Variants in THSD7B observed in about 807,000 individuals in gnomAD.
The protein encoded by THSD7B is thrombospondin type 1 domain containing 7B.
THSD7B carries 138 observed loss-of-function variants against 213.6 expected under a neutral mutation model. That is an observed-to-expected ratio of 0.65 (90% CI 0.56 to 0.74). THSD7B has a LOEUF of 0.74. THSD7B is among the 30% of genes least tolerant of loss of function. The probability of loss-of-function intolerance (pLI) is 0.00; values close to 1 mark genes in which losing one functional copy is unlikely to be tolerated. For missense variants in THSD7B, 1,931 were observed against 1,991.5 expected (o/e 0.97, Z 0.58); for synonymous variants, 742 against 687.0 (o/e 1.08, Z -1.25).
chr2:137,569,817 T>C (rs1681317415), intron 16 of THSD7B, among the ~76,000 whole-genome samples: 1 of 151,698 alleles, frequency 6.6e-6, no homozygotes, highest in Admixed American at 6.6e-5. Flanking sequence ...TTATTAATTA[T>C]TATTATTGTT....
chr2:136,993,413 T>C (rs565741202), intron 2 of THSD7B, among the ~76,000 whole-genome samples: 9 of 151,976 alleles, frequency 5.9e-5, no homozygotes, highest in Non-Finnish European at 1.0e-4. Context: ...GAAGGTAAAG[T>C]GAATGAGGAA....
At chr2:136,800,414 A>G (rs1682155237) in intron 1 of THSD7B, among the ~76,000 whole-genome samples, 1 of 152,028 alleles carries the variant, frequency 6.6e-6, no homozygotes, top group Non-Finnish European at 1.5e-5. Context: ...TCTGTGGCTT[A>G]CAGTAAGTAT....
chr2:136,913,040 G>A (rs1684293120), intron 2 of THSD7B, among the ~76,000 whole-genome samples: 1 of 152,182 alleles, frequency 6.6e-6, no homozygotes, highest in Non-Finnish European at 1.5e-5. Context: ...GAGCTTCCTA[G>A]AGACTTGTTG....
Position 137,384,923 on chromosome 2 carries a change from G to A in THSD7B, c.2501-20690G>A, listed in dbSNP as rs527296728. On this transcript the variant is annotated intron_variant, in intron 12 of 27. Transcript: ENST00000409968. The stretch of plus-strand genomic sequence containing the variant: ...TCACCCCAACAGGTGCCGAGATGGG[G>A]TGGGATGAGGCACCTGACCAGGCTG... 7.2e-5 allele frequency among the ~76,000 whole-genome samples: 11 copies of A among 152,262 alleles called. No homozygotes were observed. The South Asian group carries it at 2.3e-3, about 32-fold the overall frequency.
chr2:137,012,551 CT>C lies in THSD7B; in HGVS notation c.140-43861del, dbSNP rs753882960. Among the ~76,000 whole-genome samples, 6 of 152,122 alleles carry C rather than the reference CT, an allele frequency of 3.9e-5. No individual in the cohort carries two copies. In the South Asian group the frequency reaches 6.2e-4, roughly 16 times the overall value. ...CATGGAGAAGAGTACACATTCAATT[CT>C]TTTTTTTGTCCAAATGCAGCTTATT... On this transcript the variant is annotated intron_variant, in intron 2 of 27. Transcript: ENST00000409968.
chr2:137,547,162 C>T (rs1680756403), intron 15 of THSD7B, among the ~76,000 whole-genome samples: 1 of 152,064 alleles, frequency 6.6e-6, no homozygotes, highest in South Asian at 2.1e-4. Context: ...AAGTGAATGG[C>T]AGGAATGCCA....
intron 2 of THSD7B, among the ~76,000 whole-genome samples, chr2:136,950,616 A>G (rs915167184): frequency 2.6e-5 from 4 of 152,130 alleles, no homozygotes; most frequent in African/African-American, 7.2e-5. Flanking sequence ...ACGCTTAATA[A>G]TGTTTGAATT....
chr2:136,802,118 A>G (rs1682193668), intron 1 of THSD7B, among the ~76,000 whole-genome samples: 1 of 152,050 alleles, frequency 6.6e-6, no homozygotes, highest in Non-Finnish European at 1.5e-5. Context: ...GTCCCCCATT[A>G]TTAGGGACAG....
At chr2:137,317,428 ACTAT>A (rs1332986188) in intron 12 of THSD7B, among the ~76,000 whole-genome samples, 1 of 152,228 alleles carries the variant, frequency 6.6e-6, no homozygotes, top group African/African-American at 2.4e-5. Flanking sequence ...TGGTAACTGG[ACTAT>A]CTATTTTTAG....
intron 2 of THSD7B, 63 bp downstream of exon 2, chr2:136,882,380 C>CCTTCTT: frequency 7.4e-7 from 1 of 1,353,092 alleles, no homozygotes; most frequent in Middle Eastern, 1.9e-4. Context: ...TTCTTTCCAT[C>CCTTCTT]CTTCTTCTTC....
intron 12 of THSD7B, among the ~76,000 whole-genome samples, chr2:137,393,056 T>A (rs1289941866): frequency 2.6e-5 from 4 of 152,060 alleles, no homozygotes; most frequent in African/African-American, 9.6e-5. Context: ...TCCTCAATAT[T>A]TGCTTATTTG....
intron 10 of THSD7B, among the ~76,000 whole-genome samples, chr2:137,263,968 T>A (rs866148297): frequency 6.6e-6 from 1 of 152,220 alleles, no homozygotes; most frequent in Non-Finnish European, 1.5e-5. Flanking sequence ...TGATCTCTTA[T>A]AGAGATCTTT....
chr2:137,315,840 C>T (rs139366715), intron 12 of THSD7B, among the ~76,000 whole-genome samples: 12 of 152,292 alleles, frequency 7.9e-5, no homozygotes, highest in Non-Finnish European at 1.2e-4. Flanking sequence ...GAATCTCTGC[C>T]TGTGCCATTT....
At position 137,390,014 on chromosome 2, in the gene THSD7B, A is replaced by G. The variant is rs1037294805; in HGVS notation, c.2501-15599A>G. ...TCCAGCTTTGTTCTTTTTGCTCAGG[A>G]TTGGTTCAGCTAAACTGGCTCTTTT... On this transcript the variant is annotated intron_variant, in intron 12 of 27. Coordinates refer to ENST00000409968, the MANE Select transcript of THSD7B (RefSeq NM_001316349.2). 2.6e-5 allele frequency among the ~76,000 whole-genome samples: 4 copies of G among 151,934 alleles called. No individual in the cohort carries two copies. The East Asian group carries it at 7.7e-4, about 29-fold the overall frequency.
chr2:137,317,321 T>C (rs1054244367), intron 12 of THSD7B, among the ~76,000 whole-genome samples: 4 of 152,242 alleles, frequency 2.6e-5, no homozygotes, highest in African/African-American at 9.6e-5. Flanking sequence ...TTGTTGATAT[T>C]GTATAATGAG....
At chr2:137,636,266 A>T (rs1389400825) in intron 20 of THSD7B, among the ~76,000 whole-genome samples, 1 of 150,454 alleles carries the variant, frequency 6.6e-6, no homozygotes, top group Non-Finnish European at 1.5e-5. Flanking sequence ...GCTGTAAATT[A>T]AACGTGTGTC....
At chr2:137,658,583 C>G (rs1044042951) in intron 24 of THSD7B, among the ~76,000 whole-genome samples, 1 of 152,164 alleles carries the variant, frequency 6.6e-6, no homozygotes, top group Non-Finnish European at 1.5e-5. Context: ...CGGAAACCCT[C>G]CCCCTGCCAG....
intron 14 of THSD7B, among the ~76,000 whole-genome samples, chr2:137,420,121 T>G (rs1039174684): frequency 2.6e-5 from 4 of 152,160 alleles, no homozygotes; most frequent in African/African-American, 9.7e-5. Context: ...ATTCCCTGTC[T>G]TTTAGATAAA....
chr2:136,920,587 G>A (rs1360172406), intron 2 of THSD7B, among the ~76,000 whole-genome samples: 1 of 152,172 alleles, frequency 6.6e-6, no homozygotes, highest in Non-Finnish European at 1.5e-5. Context: ...CTGTCTCCAG[G>A]CCATGGACTT....
Sources: gnomAD v4.1 joint callset for allele counts (sites outside exome capture counted in the v4.1 genomes callset) on GRCh38, gnomAD v4.1.1 for gene constraint, MANE v1.5 for transcripts, NCBI Gene and HGNC (gene_info 2026-07-23, HGNC 2026-07-21) for gene names.